EPC1: variants seen among roughly 807,000 people sequenced by gnomAD.
EPC1 encodes enhancer of polycomb homolog 1.
EPC1 carries 12 observed loss-of-function variants against 98.4 expected under a neutral mutation model. That is an observed-to-expected ratio of 0.12 (90% CI 0.08 to 0.20). The LOEUF is 0.20. EPC1 is among the 10% of genes least tolerant of loss of function. The pLI is 1.00. For missense variants in EPC1, 729 were observed against 990.5 expected, an observed-to-expected ratio of 0.74 and a Z score of 3.54; for synonymous variants, 357 against 363.9, an observed-to-expected ratio of 0.98 and a Z score of 0.21.
At chr10:32,362,466 GTCTC>G (rs1205204652) in intron 1 of EPC1, among the ~76,000 whole-genome samples, 1 of 152,058 alleles carries the variant, frequency 6.6e-6, no homozygotes, top group African/African-American at 2.4e-5. Context: ...CCCGCTCCCT[GTCTC>G]TCTCTTGCTC....
chr10:32,350,032 G>T (rs1839066549), upstream of EPC1, among the ~76,000 whole-genome samples: 1 of 152,146 alleles, frequency 6.6e-6, no homozygotes, highest in Non-Finnish European at 1.5e-5. Context: ...GGTTAATCCT[G>T]TACTTTCACT....
intron 10 of EPC1, among the ~76,000 whole-genome samples, chr10:32,277,985 T>C (rs2132661427): frequency 6.6e-6 from 1 of 152,228 alleles, no homozygotes. Flanking sequence ...TAGCTAAAGG[T>C]GATCAACTGA....
chr10:32,369,499 C>T (rs752907717), intron 1 of EPC1, among the ~76,000 whole-genome samples: 6 of 151,998 alleles, frequency 3.9e-5, no homozygotes, highest in East Asian at 1.9e-4. Flanking sequence ...AACCACTGTT[C>T]GTCAAAAAAT....
At position 32,293,725 on chromosome 10, in the gene EPC1, T is replaced by A. The variant is rs1280006081; in HGVS notation, c.326A>T (p.Asp109Val). ...CAAATCATAATCAGGCTGTTCAGCA[T>A]CCAAACTAAAAGCTGACAGAAGGAA... ...QLIHIQPFSL[D>V]AEQPDYDLDS... is the part of the protein sequence containing the mutation. Residue 109 changes from aspartate to valine, a missense_variant, in exon 3 of 14, where the codon GAT becomes GTT. Asp to Val is a radical substitution (Grantham distance 152). Around this residue, in one of 6 missense-constraint regions of EPC1, gnomAD observed 94 missense variants for 125.1 expected, o/e 0.75. Transcript: ENST00000319778. The A allele has an allele frequency of 1.9e-6, 3 of 1,611,154 alleles. No homozygotes were observed. The highest frequency in any genetic ancestry group is 2.5e-6 in the Non-Finnish European group (3 of 1,178,592).
intron 1 of EPC1, among the ~76,000 whole-genome samples, chr10:32,319,604 C>A (rs547681565): frequency 6.6e-5 from 10 of 152,142 alleles, no homozygotes; most frequent in Non-Finnish European, 1.0e-4. Context: ...TGGGGTCACT[C>A]TATTAAAAAA....
chr10:32,371,260 G>C (rs150884092), intron 1 of EPC1, among the ~76,000 whole-genome samples: 267 of 152,304 alleles, frequency 1.8e-3, no homozygotes, highest in Middle Eastern at 3.4e-3. Context: ...CTTGGAGGAT[G>C]GAGAGTTTCC....
chr10:32,340,490 C>T (rs891875303), intron 1 of EPC1, among the ~76,000 whole-genome samples: 1 of 152,130 alleles, frequency 6.6e-6, no homozygotes, highest in African/African-American at 2.4e-5. Flanking sequence ...AGATTTTCTA[C>T]AGTTTATAAA....
chr10:32,303,635 G>A (rs1835704483), intron 2 of EPC1, among the ~76,000 whole-genome samples: 1 of 152,228 alleles, frequency 6.6e-6, no homozygotes, highest in South Asian at 2.1e-4. Flanking sequence ...GATGGTCAGG[G>A]GATGGGGAGA....
intron 2 of EPC1, among the ~76,000 whole-genome samples, chr10:32,294,344 G>A (rs1426611503): frequency 1.3e-5 from 2 of 152,152 alleles, no homozygotes; most frequent in African/African-American, 4.8e-5. Context: ...TTGAGGGTGG[G>A]ACCCAAGTCT....
intron 3 of EPC1, 139 bp from the exon 4 acceptor site, chr10:32,293,333 T>G: frequency 2.6e-6 from 2 of 756,814 alleles, no homozygotes; most frequent in Middle Eastern, 3.8e-4. Context: ...ATTATGCCTG[T>G]CAGTCACTGA....
intron 1 of EPC1, among the ~76,000 whole-genome samples, chr10:32,318,391 T>C (rs1014229666): frequency 2.0e-5 from 3 of 152,194 alleles, no homozygotes; most frequent in Non-Finnish European, 4.4e-5. Flanking sequence ...TAACACAAAC[T>C]AAATCTGTCC....
chr10:32,368,339 A>G (rs1467956535), intron 1 of EPC1, among the ~76,000 whole-genome samples: 2 of 152,144 alleles, frequency 1.3e-5, no homozygotes, highest in Non-Finnish European at 1.5e-5. Context: ...TAACCTCTGC[A>G]CATCATAGCC....
intron 8 of EPC1, 33 bp downstream of exon 8, chr10:32,286,893 G>A (rs1340868204): frequency 1.2e-6 from 2 of 1,609,490 alleles, no homozygotes; most frequent in African/African-American, 2.7e-5. Context: ...AAGGTAAATA[G>A]TTTGTTATTT....
At chr10:32,318,446 T>TGTACG (rs1836685635) in intron 1 of EPC1, among the ~76,000 whole-genome samples, 2 of 152,220 alleles carry the variant, frequency 1.3e-5, no homozygotes, top group South Asian at 4.1e-4. Context: ...CCTTGCAATT[T>TGTACG]CATCCAGTAT....
chr10:32,306,580 T>C (rs1412054493), intron 1 of EPC1, among the ~76,000 whole-genome samples: 4 of 152,168 alleles, frequency 2.6e-5, no homozygotes, highest in African/African-American at 4.8e-5. Flanking sequence ...CTGAAACAGT[T>C]TGTGACTCCC....
In EPC1 at chr10:32,273,317, C is replaced by A. The variant is rs747428585; in HGVS notation, c.1745-36G>T. 16 of 1,602,702 alleles carry A rather than the reference C, an allele frequency of 1.0e-5. No individual in the cohort carries two copies. The South Asian group carries it at 1.8e-4, about 18-fold the overall frequency. ...AATAAAGAAACACTTTATAAAAATG[C>A]CCAGCTGTCATGTATGTCTTACAGT... On this transcript the variant is annotated intron_variant, in intron 10 of 13. Transcript: ENST00000319778.
At chr10:32,317,528 AC>A (rs1305134952) in intron 1 of EPC1, among the ~76,000 whole-genome samples, 2 of 152,100 alleles carry the variant, frequency 1.3e-5, no homozygotes, top group South Asian at 4.2e-4. Context: ...TGTAATCCCA[AC>A]TACTTGGGAG....
At chr10:32,271,205 G>C (rs1275196533) in intron 13 of EPC1, among the ~76,000 whole-genome samples, 1 of 152,080 alleles carries the variant, frequency 6.6e-6, no homozygotes, top group Admixed American at 6.6e-5. Context: ...TGGATCGGCT[G>C]TTCTCGAACT....
Position 32,269,012 on chromosome 10 carries a change from G to C in EPC1, c.*51C>G, listed in dbSNP as rs1321889314. The C allele has an allele frequency of 2.7e-6, 4 of 1,470,388 alleles. No individual in the cohort carries two copies. Among genetic ancestry groups the C allele is most frequent in the Non-Finnish European group, 3.8e-6 (4 of 1,055,546 alleles). 91.1% of individuals were successfully genotyped at this position (1,470,388 alleles called of 1,614,324 possible). A position where few individuals can be genotyped will look rare whatever the true frequency, so the allele number is the denominator to read the frequency against. The stretch of plus-strand genomic sequence containing the variant: ...CATCCCTTGCATTCAAAATGCTACT[G>C]ATGCATAGCACCTAATCAAGTCCCC... On this transcript the variant is annotated 3_prime_UTR_variant, in exon 14 of 14. Coordinates refer to ENST00000319778, the MANE Select transcript of EPC1 (RefSeq NM_001272004.3).
Sources: allele counts gnomAD v4.1 joint callset (sites outside exome capture counted in the v4.1 genomes callset), GRCh38; gene constraint gnomAD v4.1.1; regional missense constraint gnomAD v4.1.1; transcripts MANE v1.5; gene names NCBI Gene and HGNC (gene_info 2026-07-23, HGNC 2026-07-21).